PECR: variants seen among roughly 807,000 people sequenced by gnomAD.
The protein encoded by PECR is peroxisomal trans-2-enoyl-CoA reductase.
Under a neutral mutation model 35.3 loss-of-function variants are expected in PECR, and 30 were observed. The observed-to-expected ratio is 0.85, with a 90% CI of 0.64 to 1.15. The LOEUF (loss-of-function observed/expected upper bound fraction) is 1.15. Among genes scored for constraint, PECR ranks in the 50% most tolerant of loss-of-function variants. The pLI, the probability that PECR is intolerant of heterozygous loss-of-function variation, is 0.00. For missense variants in PECR, 392 were observed against 370.8 expected, an observed-to-expected ratio of 1.06 and a Z score of -0.47; for synonymous variants, 148 against 138.9, an observed-to-expected ratio of 1.07 and a Z score of -0.46.
chr2:216,066,564 T>G, intron 1 of PECR, 46 bp from the exon 2 acceptor site: 1 of 1,583,192 alleles, frequency 6.3e-7, no homozygotes, highest in Non-Finnish European at 8.7e-7. Flanking sequence ...CTTCATGGGA[T>G]GCAATGACCA....
At position 216,071,871 on chromosome 2, in the gene PECR, T is replaced by C. The variant is rs567279147; in HGVS notation, c.125-5353A>G. Among the ~76,000 whole-genome samples, 35 of 152,282 alleles carry C rather than the reference T, an allele frequency of 2.3e-4. No homozygotes were observed. In the South Asian group the frequency reaches 2.7e-3, roughly 12 times the overall value. On this transcript the variant is annotated intron_variant, in intron 1 of 7. Transcript: ENST00000265322. ...CTCTGTTTGTCCCTGAAAGTCCCGTTTGGGTGCCACTTTGACAAAAATTTT... is the reference window on the plus strand; with the variant it reads ...CTCTGTTTGTCCCTGAAAGTCCCGTCTGGGTGCCACTTTGACAAAAATTTT...
chr2:216,031,013 T>A (rs12467676), intron 7 of PECR, among the ~76,000 whole-genome samples: 2 of 149,756 alleles, frequency 1.3e-5, no homozygotes, highest in African/African-American at 2.5e-5. Flanking sequence ...CTGCTCTCTC[T>A]CTCTCATTTG....
intron 7 of PECR, among the ~76,000 whole-genome samples, chr2:216,029,922 G>A (rs550560273): frequency 1.3e-5 from 2 of 152,272 alleles, no homozygotes; most frequent in Admixed American, 1.3e-4. Context: ...TGGCTGAGTC[G>A]TATCTCTTAT....
Position 216,042,963 on chromosome 2 carries a change from ACACATACGTATATGTG to A in PECR, c.826+925_826+940del, listed in dbSNP as rs1559207659. Among the ~76,000 whole-genome samples the A allele has an allele frequency of 2.7e-4, 27 of 101,374 alleles. 2 individuals carry two copies. Among genetic ancestry groups the A allele is most frequent in the African/African-American group, 1.0e-3 (27 of 26,762 alleles). The allele number at this position is 101,374 out of a possible 152,430, so 66.5% of individuals were successfully genotyped here. A position where few individuals can be genotyped will look rare whatever the true frequency, so the allele number is the denominator to read the frequency against. ...CATACGTATATGTGTATATATATAT[ACACATACGTATATGTG>A]TATATATATATACATACGTATATGT... On this transcript the variant is annotated intron_variant, in intron 7 of 7. Coordinates refer to ENST00000265322, the MANE Select transcript of PECR (RefSeq NM_018441.6).
intron 1 of PECR, among the ~76,000 whole-genome samples, chr2:216,074,119 G>A (rs766626170): frequency 2.0e-5 from 3 of 152,178 alleles, no homozygotes; most frequent in Non-Finnish European, 4.4e-5. Flanking sequence ...AGTTCCCAGA[G>A]TAGGGCATAG....
At chr2:216,056,716 C>T (rs1695231904) in intron 4 of PECR, among the ~76,000 whole-genome samples, 1 of 126,228 alleles carries the variant, frequency 7.9e-6, no homozygotes, top group Non-Finnish European at 1.6e-5. Flanking sequence ...AGCAAAACTC[C>T]ATCTCAGAAA....
rs943085044 is a variant in PECR, at chr2:216,065,117, T to A, written c.424+195A>T. On this transcript the variant is annotated intron_variant, in intron 3 of 7. Transcript: ENST00000265322. ...TAATAAATTCCAAGAAATAAAATGA[T>A]GAGATTGAAGGATATCCACATTTTA... The A allele has an allele frequency of 6.6e-6, 4 of 605,260 alleles. No homozygotes were observed. The African/African-American group carries it at 7.4e-5, about 11-fold the overall frequency. 37.5% of individuals were successfully genotyped at this position (605,260 alleles called of 1,614,324 possible).
chr2:216,067,668 TG>T lies in PECR; in HGVS notation c.125-1151del, dbSNP rs1201923967. ...ACCTCCCGGGTTCAAGTGATTCTCC[TG>T]CCTCAGCCCCCCAAGTAGCTGCGAC... On this transcript the variant is annotated intron_variant, in intron 1 of 7. Coordinates refer to ENST00000265322, the MANE Select transcript of PECR (RefSeq NM_018441.6). Among the ~76,000 whole-genome samples, 5 of 152,082 alleles carry T rather than the reference TG, an allele frequency of 3.3e-5. No individual in the cohort carries two copies. The South Asian group carries it at 1.0e-3, about 32-fold the overall frequency.
intron 1 of PECR, among the ~76,000 whole-genome samples, chr2:216,067,312 A>G (rs994992539): frequency 3.9e-5 from 6 of 152,198 alleles, no homozygotes; most frequent in African/African-American, 1.4e-4. Context: ...AGAACTACCA[A>G]AAATGGGCAG....
At position 216,065,475 on chromosome 2, in the gene PECR, CA is replaced by C. The variant is rs776518702; in HGVS notation, c.260del (p.Val87GlyfsTer9). 60 of 1,583,826 alleles carry C rather than the reference CA, an allele frequency of 3.8e-5. 1 individual carries two copies. Among genetic ancestry groups the C allele is most frequent in the Non-Finnish European group, 5.2e-5 (60 of 1,152,550 alleles). On this transcript the variant is annotated frameshift_variant and splice_region_variant, in exon 3 of 8. Coordinates refer to ENST00000265322, the MANE Select transcript of PECR (RefSeq NM_018441.6). LOFTEE classifies it high-confidence loss of function. ...IQCNIRNEEE[V>X]NNLVKSTLDT... ...CTAAGGTAGATTTGACCAAATTATTCACCTAAAGAAGAACAGTAGAAGTTAC... is the reference window on the plus strand; with the variant it reads ...CTAAGGTAGATTTGACCAAATTATTCCCTAAAGAAGAACAGTAGAAGTTAC...
chr2:216,073,907 T>C (rs1695634740), intron 1 of PECR, among the ~76,000 whole-genome samples: 1 of 152,202 alleles, frequency 6.6e-6, no homozygotes, highest in Admixed American at 6.5e-5. Context: ...CTCAGAAGAT[T>C]TCCCTGTGTT....
At chr2:216,065,196 T>G (rs1695438610) in intron 3 of PECR, 116 bp downstream of exon 3, 2 of 794,512 alleles carry the variant, frequency 2.5e-6, no homozygotes, top group African/African-American at 1.7e-5. Flanking sequence ...TCCTATGTTG[T>G]AAGTGAGAAA....
At chr2:216,058,724 T>TAAACC (rs1695277565) in intron 4 of PECR, among the ~76,000 whole-genome samples, 171 bp downstream of exon 4, 1 of 151,568 alleles carries the variant, frequency 6.6e-6, no homozygotes, top group African/African-American at 2.4e-5. Context: ...TGAAAATGTT[T>TAAACC]TAGAAGTACT....
In PECR at chr2:216,048,508, G is replaced by A. The variant is rs928705128; in HGVS notation, c.714+755C>T. On this transcript the variant is annotated intron_variant, in intron 6 of 7. Transcript: ENST00000265322. The stretch of plus-strand genomic sequence containing the variant: ...GCGTATCACTTAAGGTCAGTAGTTC[G>A]AGACTAGCCTAGCCAACATGGTGAA... 3.3e-5 allele frequency among the ~76,000 whole-genome samples: 5 copies of A among 151,778 alleles called. No homozygotes were observed. The South Asian group carries it at 8.3e-4, about 25-fold the overall frequency.
chr2:216,050,278 A>G (rs1354120658), intron 5 of PECR, among the ~76,000 whole-genome samples: 2 of 152,232 alleles, frequency 1.3e-5, no homozygotes, highest in African/African-American at 4.8e-5. Flanking sequence ...AATGGATTCA[A>G]ACTGTTGAAT....
rs369308831 is a variant in PECR, at chr2:216,052,891, T to C, written c.507-1346A>G. On this transcript the variant is annotated intron_variant, in intron 4 of 7. Transcript: ENST00000265322. ...GTTTTTCAGACAGAGTCTCGCTCTGTCACCCAGGCTGGAATGCAGTGGCAT... is the reference window on the plus strand; with the variant it reads ...GTTTTTCAGACAGAGTCTCGCTCTGCCACCCAGGCTGGAATGCAGTGGCAT... Among the ~76,000 whole-genome samples the C allele has an allele frequency of 6.5e-4, 99 of 152,340 alleles. 2 individuals are homozygous for C. The South Asian group carries it at 0.019, about 29-fold the overall frequency.
intron 1 of PECR, among the ~76,000 whole-genome samples, chr2:216,070,241 T>A (rs1695561709): frequency 6.6e-6 from 1 of 152,244 alleles, no homozygotes. Context: ...TATATAAATA[T>A]ATTGTGGAAT....
chr2:216,046,312 T>TATATA (rs1559209240), intron 6 of PECR, among the ~76,000 whole-genome samples: 101 of 73,624 alleles, frequency 1.4e-3, no homozygotes, highest in South Asian at 5.8e-3. Context: ...ATATATATAT[T>TATATA]TTTTTTTTTT....
chr2:216,037,332 G>A (rs1301546457), downstream of PECR, among the ~76,000 whole-genome samples: 7 of 152,190 alleles, frequency 4.6e-5, no homozygotes, highest in East Asian at 1.9e-4. Context: ...TACATAGGCA[G>A]GTTCTGTCCC....
Sources: gnomAD v4.1 joint callset for allele counts (sites outside exome capture counted in the v4.1 genomes callset) on GRCh38, gnomAD v4.1.1 for gene constraint, MANE v1.5 for transcripts, NCBI Gene and HGNC (gene_info 2026-07-23, HGNC 2026-07-21) for gene names.